Variants in CCDC9B observed in about 807,000 individuals in gnomAD.
CCDC9B encodes coiled-coil domain-containing protein 9B.
Under a neutral mutation model 47.2 loss-of-function variants are expected in CCDC9B, and 40 were observed. The observed-to-expected ratio is 0.85, with a 90% CI of 0.66 to 1.10. The LOEUF (loss-of-function observed/expected upper bound fraction) is 1.10. Among genes scored for constraint, CCDC9B ranks in the 50% least tolerant of loss-of-function variants. The probability of loss-of-function intolerance (pLI) is 0.00; values close to 1 mark genes in which losing one functional copy is unlikely to be tolerated. For missense variants in CCDC9B, 662 were observed against 651.0 expected (o/e 1.02, Z -0.18); for synonymous variants, 238 against 250.7 (o/e 0.95, Z 0.48).
chr15:40,338,894 C>CCCG lies in CCDC9B; in HGVS notation c.238_240dup (p.Arg80dup). 6.2e-7 allele frequency: 1 copy of CCCG among 1,614,216 alleles called. No homozygotes were observed. The highest frequency in any genetic ancestry group is 8.5e-7 in the Non-Finnish European group (1 of 1,180,024). ...CCCCTTGCCCAGTTCCTGCTAACCACCCGCTTTTCCTGCAGAACAAAGACC... is the reference window on the plus strand; with the variant it reads ...CCCCTTGCCCAGTTCCTGCTAACCACCCGCCGCTTTTCCTGCAGAACAAAGACC... On this transcript the variant is annotated inframe_insertion, in exon 4 of 11. Coordinates refer to ENST00000397536, the MANE Select transcript of CCDC9B (RefSeq NM_207380.3).
Position 40,335,127 on chromosome 15 carries a change from C to G in CCDC9B, c.*31G>C, listed in dbSNP as rs776974702. ...ACAGAGTGATTCCCTTTTCCTCTCCCCGGGGACTCCCCAGCTCCCAGGAGC... is the reference window on the plus strand; with the variant it reads ...ACAGAGTGATTCCCTTTTCCTCTCCGCGGGGACTCCCCAGCTCCCAGGAGC... On this transcript the variant is annotated 3_prime_UTR_variant, in exon 11 of 11. Coordinates refer to ENST00000397536, the MANE Select transcript of CCDC9B (RefSeq NM_207380.3). 5.4e-6 allele frequency: 8 copies of G among 1,481,238 alleles called. No individual in the cohort carries two copies. In the African/African-American group the frequency reaches 8.4e-5, roughly 16 times the overall value. 91.8% of individuals were successfully genotyped at this position (1,481,238 alleles called of 1,614,324 possible). A position where few individuals can be genotyped will look rare whatever the true frequency, so the allele number is the denominator to read the frequency against.
At chr15:40,340,568 C>A (rs947939504) in intron 1 of CCDC9B, 2 of 527,876 alleles carry the variant, frequency 3.8e-6, no homozygotes, top group African/African-American at 3.9e-5. Context: ...GTAGTCGGGG[C>A]GGAGAGAGCC....
At position 40,337,422 on chromosome 15, in the gene CCDC9B, C is replaced by T. The variant is rs1208908601; in HGVS notation, c.708G>A (p.Arg236=). 1 of 1,600,672 alleles carries T rather than the reference C, an allele frequency of 6.2e-7. No homozygotes were observed. The highest frequency in any genetic ancestry group is 2.2e-5 in the East Asian group (1 of 44,832). The part of the protein sequence containing the change: ...KSTLQDCSQL[R]GEGPARAGSR... ...TGCCTGCCCTGGCCGGGCCTTCTCC[C>T]CTCAGCTGGCTGCAGTCCTGTAGCC... The change falls in exon 7 of 11, where the codon AGG becomes AGA. Residue 236 remains arginine, a synonymous_variant. Coordinates refer to ENST00000397536, the MANE Select transcript of CCDC9B (RefSeq NM_207380.3).
In CCDC9B at chr15:40,336,561, T is replaced by G; in HGVS notation, c.887+13A>C. The G allele has an allele frequency of 6.2e-7, 1 of 1,610,342 alleles. No individual in the cohort carries two copies. Among genetic ancestry groups the G allele is most frequent in the Non-Finnish European group, 8.5e-7 (1 of 1,178,746 alleles). On this transcript the variant is annotated intron_variant, in intron 9 of 10. Transcript: ENST00000397536. Reference sequence around the variant, plus strand: ...ACATGCCCGTCTTGATTTTGTCCCCTGCCACCTGTTACCTTCGGGCCCTGC... The same window carrying G: ...ACATGCCCGTCTTGATTTTGTCCCCGGCCACCTGTTACCTTCGGGCCCTGC...
At chr15:40,337,054 C>G in intron 7 of CCDC9B, 1 of 601,940 alleles carries the variant, frequency 1.7e-6, no homozygotes, top group East Asian at 2.8e-5. Flanking sequence ...AACAAGGGGA[C>G]CAGAACTCCA....
intron 1 of CCDC9B, 96 bp downstream of exon 1, chr15:40,340,712 C>T: frequency 8.4e-7 from 1 of 1,197,198 alleles, no homozygotes; most frequent in Non-Finnish European, 1.2e-6. Flanking sequence ...CTCCCAGCCC[C>T]AGCTGTCCCC....
At position 40,336,802 on chromosome 15, in the gene CCDC9B, G is replaced by T; in HGVS notation, c.754C>A (p.His252Asn). ...RAGSRRGPRSHQKLQPPPLLP... is the reference protein window; with the variant it reads ...RAGSRRGPRSNQKLQPPPLLP... The stretch of plus-strand genomic sequence containing the variant: ...AATGGTGGGGGCTGTAGTTTCTGGT[G>T]GCTCCTGGGACCTGCGGGGGACAAA... The change falls in exon 8 of 11, where the codon CAC becomes AAC. Residue 252 changes from histidine (H) to asparagine (N), a missense_variant. Transcript: ENST00000397536. 6.3e-7 allele frequency: 1 copy of T among 1,596,270 alleles called. No individual in the cohort carries two copies.
In CCDC9B at chr15:40,335,307, C is replaced by T; in HGVS notation, c.1324G>A (p.Glu442Lys). 1 of 1,613,424 alleles carries T rather than the reference C, an allele frequency of 6.2e-7. No individual in the cohort carries two copies. Among genetic ancestry groups the T allele is most frequent in the Non-Finnish European group, 8.5e-7 (1 of 1,179,708 alleles). Residue 442 changes from glutamate (E) to lysine (K), a missense_variant, in exon 11 of 11, where the codon GAG becomes AAG. Glu to Lys is a moderately conservative substitution (Grantham distance 56). Coordinates refer to ENST00000397536, the MANE Select transcript of CCDC9B (RefSeq NM_207380.3). ...PEPQRGAGLPEPGEDRSGKSG... is the reference protein window; with the variant it reads ...PEPQRGAGLPKPGEDRSGKSG... ...TTGCCAGACCTGTCTTCTCCGGGCT[C>T]TGGGAGCCCTGCTCCTCTCTGTGGC...
In CCDC9B at chr15:40,335,151, G is replaced by T; in HGVS notation, c.*7C>A. ...CCCGGGGACTCCCCAGCTCCCAGGA[G>T]CTGTGTTCAGCATCTTCCTGCCGGG... On this transcript the variant is annotated 3_prime_UTR_variant, in exon 11 of 11. Coordinates refer to ENST00000397536, the MANE Select transcript of CCDC9B (RefSeq NM_207380.3). 1.3e-6 allele frequency: 2 copies of T among 1,497,754 alleles called. No homozygotes were observed. The highest frequency in any genetic ancestry group is 8.9e-7 in the Non-Finnish European group (1 of 1,123,874). 92.8% of individuals were successfully genotyped at this position (1,497,754 alleles called of 1,614,324 possible).
intron 7 of CCDC9B, 152 bp from the exon 8 acceptor site, chr15:40,336,965 T>C (rs1295776405): frequency 2.9e-6 from 2 of 679,336 alleles, no homozygotes; most frequent in African/African-American, 1.8e-5. Flanking sequence ...GTCAGGAGAA[T>C]AGGGTCCTGT....
In CCDC9B at chr15:40,337,781, T is replaced by G; in HGVS notation, c.626A>C (p.His209Pro). 1.2e-6 allele frequency: 2 copies of G among 1,610,192 alleles called. No individual in the cohort carries two copies. The highest frequency in any genetic ancestry group is 1.7e-6 in the Non-Finnish European group (2 of 1,179,812). ...EQIDLARLAR[H>P]RDAQGDWRRP... ...GCGCCAGTCACCCTGTGCGTCTCTG[T>G]GCCGGGCGAGGCGGGCTAGGTCGAT... is the stretch of plus-strand genomic sequence containing the variant. Residue 209 changes from histidine (H) to proline (P), a missense_variant, in exon 6 of 11, where the codon CAC (histidine) becomes CCC (proline). His to Pro is a moderately conservative substitution (Grantham distance 77). Transcript: ENST00000397536.
Position 40,332,511 on chromosome 15 carries a change from T to C in CCDC9B, c.*2647A>G, listed in dbSNP as rs1252523708. 1.3e-5 allele frequency: 2 copies of C among 152,372 alleles called. No individual in the cohort carries two copies. The highest frequency in any genetic ancestry group is 3.8e-4 in the East Asian group (2 of 5,196). The allele number at this position is 152,372 out of a possible 1,614,324, so 9.4% of individuals were successfully genotyped here. A position where few individuals can be genotyped will look rare whatever the true frequency, so the allele number is the denominator to read the frequency against. On this transcript the variant is annotated 3_prime_UTR_variant, in exon 11 of 11. Transcript: ENST00000397536. ...CGTCATCCATGGAGACAAGCCCTAC[T>C]TCCCCACAGCCCTTCTGCCCAGCCT... is the stretch of plus-strand genomic sequence containing the variant.
At position 40,338,867 on chromosome 15, in the gene CCDC9B, T is replaced by A. The variant is rs1363004023; in HGVS notation, c.268A>T (p.Thr90Ser). 9.9e-6 allele frequency: 16 copies of A among 1,613,986 alleles called. No individual in the cohort carries two copies. The highest frequency in any genetic ancestry group is 1.3e-5 in the Non-Finnish European group (15 of 1,180,024). ...TCGTTGGTCACTCTGGGTCCACAGG[T>A]ACCCCTTGCCCAGTTCCTGCTAACC... Reference protein sequence around the residue: ...RVVSRNWARGTCGPRVTNEML... With the variant: ...RVVSRNWARGSCGPRVTNEML... Residue 90 changes from threonine (T) to serine (S), a missense_variant, in exon 4 of 11, where the codon ACC (threonine) becomes TCC (serine). Thr to Ser is a moderately conservative substitution (Grantham distance 58). Transcript: ENST00000397536.
In CCDC9B at chr15:40,336,594, C is replaced by G. The variant is rs762181230; in HGVS notation, c.867G>C (p.Arg289Ser). 2.5e-6 allele frequency: 4 copies of G among 1,612,458 alleles called. No homozygotes were observed. The South Asian group carries it at 4.4e-5, about 18-fold the overall frequency. Residue 289 changes from arginine to serine, a missense_variant, in exon 9 of 11, where the codon AGG (arginine) becomes AGC (serine). By Grantham distance (110) the Arg-to-Ser change is moderately radical (BLOSUM62 -1). Transcript: ENST00000397536. ...GTTACCTTCGGGCCCTGCCAGTCAG[C>G]CTCTCCTTGCCCCGGGCTTTGCTGC... ...ATGSKARGKE[R>S]LTGRARRWDM... is the part of the protein sequence containing the mutation.
In CCDC9B at chr15:40,338,522, C is replaced by T. The variant is rs1352717412; in HGVS notation, c.513+13G>A. On this transcript the variant is annotated intron_variant, in intron 5 of 10. Transcript: ENST00000397536. ...CTTCAGATCCATGTCCCCATCCCCT[C>T]TTGAAGACACACCTTCCGTGCAGAA... is the stretch of plus-strand genomic sequence containing the variant. 6 of 1,612,728 alleles carry T rather than the reference C, an allele frequency of 3.7e-6. No individual in the cohort carries two copies. In the African/African-American group the frequency reaches 6.7e-5, roughly 18 times the overall value.
In CCDC9B at chr15:40,334,860, C is replaced by T. The variant is rs1441207029; in HGVS notation, c.*298G>A. On this transcript the variant is annotated 3_prime_UTR_variant, in exon 11 of 11. Coordinates refer to ENST00000397536, the MANE Select transcript of CCDC9B (RefSeq NM_207380.3). ...CATCATAGTGGAGAAGGCTTGTGGC[C>T]TGGGCAGCAGTAGGCCCAGGTCAGG... The T allele has an allele frequency of 3.6e-6, 1 of 281,062 alleles. No individual in the cohort carries two copies. The highest frequency in any genetic ancestry group is 5.9e-5 in the East Asian group (1 of 17,042). The allele number at this position is 281,062 out of a possible 1,614,324, so 17.4% of individuals were successfully genotyped here.
rs572942415 is a variant in CCDC9B, at chr15:40,337,814, C to G, written c.593G>C (p.Arg198Pro). 14 of 1,610,634 alleles carry G rather than the reference C, an allele frequency of 8.7e-6. No homozygotes were observed. Among genetic ancestry groups the G allele is most frequent in the South Asian group, 6.6e-5 (6 of 91,006 alleles). Residue 198 changes from arginine (R) to proline (P), a missense_variant, in exon 6 of 11, where the codon CGG (arginine) becomes CCG (proline). Arg to Pro is a moderately radical substitution (Grantham distance 103). Coordinates refer to ENST00000397536, the MANE Select transcript of CCDC9B (RefSeq NM_207380.3). ...GAGGCGGGCTAGGTCGATCTGCTCC[C>G]GCTCCTGCTTCCACTGGGCATAGTC... Reference protein sequence around the residue: ...GWDYAQWKQEREQIDLARLAR... With the variant: ...GWDYAQWKQEPEQIDLARLAR...
At chr15:40,339,357 G>C (rs756172986) in intron 3 of CCDC9B, 155 bp downstream of exon 3, 27 of 705,354 alleles carry the variant, frequency 3.8e-5, no homozygotes, top group Non-Finnish European at 5.9e-5. Flanking sequence ...CTCTTTGGTG[G>C]GGACAGCAGT....
intron 6 of CCDC9B, 74 bp from the exon 7 acceptor site, chr15:40,337,520 C>G: frequency 7.3e-7 from 1 of 1,363,590 alleles, no homozygotes; most frequent in Admixed American, 2.3e-5. Context: ...CCCCCCTCCC[C>G]GAAGCCCAGG....
Sources: gnomAD v4.1 joint callset for allele counts on GRCh38, gnomAD v4.1.1 for gene constraint, MANE v1.5 for transcripts, NCBI Gene and HGNC (gene_info 2026-07-23, HGNC 2026-07-21) for gene names.